The following GRIA3 variants were observed in gnomAD, a reference collection of about 807,000 sequenced individuals.
GRIA3 encodes glutamate ionotropic receptor AMPA type subunit 3.
A neutral mutation model predicts 63.0 loss-of-function variants in GRIA3; 3 were observed. The observed-to-expected ratio is 0.05, with a 90% CI of 0.02 to 0.12. The LOEUF is 0.12. Among genes scored for constraint, GRIA3 ranks in the 10% least tolerant of loss-of-function variants. The pLI is 1.00. For missense variants in GRIA3, 347 were observed against 700.9 expected (o/e 0.50, Z 5.70); for synonymous variants, 274 against 257.9 (o/e 1.06, Z -0.60).
chrX:123,458,579 C>T (rs1045554099), intron 12 of GRIA3, among the ~76,000 whole-genome samples: 11 of 111,310 alleles, frequency 9.9e-5, no homozygotes, highest in Non-Finnish European at 1.7e-4. Flanking sequence ...GTTTTTAAGG[C>T]GCCTTCTAGC....
chrX:123,206,974 T>C (rs2147257955), intron 2 of GRIA3, among the ~76,000 whole-genome samples: 1 of 111,434 alleles, frequency 9.0e-6, no homozygotes, highest in East Asian at 2.8e-4. Context: ...CAAGGGCCCT[T>C]CACTTTCTAT....
At chrX:123,186,087 T>C in intron 2 of GRIA3, 97 bp downstream of exon 2, 1 of 696,698 alleles carries the variant, frequency 1.4e-6, no homozygotes, top group South Asian at 2.2e-5. Flanking sequence ...GGGAGATGAT[T>C]GCTTCAGTAG....
At chrX:123,345,356 AT>A (rs1208188287) in intron 4 of GRIA3, among the ~76,000 whole-genome samples, 1 of 106,081 alleles carries the variant, frequency 9.4e-6, no homozygotes, top group Non-Finnish European at 1.9e-5. Context: ...TCTCCCCTGT[AT>A]TGGAAACACT....
At chrX:123,381,439 TG>T (rs1043444783) in intron 5 of GRIA3, among the ~76,000 whole-genome samples, 1 of 111,870 alleles carries the variant, frequency 8.9e-6, no homozygotes, top group African/African-American at 3.3e-5. Context: ...TACATTGGTT[TG>T]GGGGGACCAT....
intron 2 of GRIA3, among the ~76,000 whole-genome samples, chrX:123,211,496 G>T (rs1278123160): frequency 8.9e-6 from 1 of 111,993 alleles, no homozygotes; most frequent in East Asian, 2.8e-4. Flanking sequence ...CAAGAGTGGG[G>T]ATTAGGGTCC....
intron 14 of GRIA3, among the ~76,000 whole-genome samples, chrX:123,481,747 C>T (rs975773910): frequency 3.6e-5 from 4 of 111,519 alleles, no homozygotes; most frequent in African/African-American, 1.3e-4. Context: ...GTGTGTCCTA[C>T]CTCAAGGTAG....
chrX:123,219,223 AG>A (rs1928234612), intron 2 of GRIA3, among the ~76,000 whole-genome samples: 1 of 112,621 alleles, frequency 8.9e-6, no homozygotes, highest in Non-Finnish European at 1.9e-5. Flanking sequence ...TCCATCCCTA[AG>A]AAGGCTGTGT....
chrX:123,316,875 A>G (rs1000734476), intron 3 of GRIA3, among the ~76,000 whole-genome samples: 1 of 112,035 alleles, frequency 8.9e-6, no homozygotes, highest in African/African-American at 3.2e-5. Flanking sequence ...TGTCTTTTCT[A>G]TGATTAGATA....
chrX:123,463,849 A>T (rs1055766685), intron 12 of GRIA3, among the ~76,000 whole-genome samples: 2 of 110,420 alleles, frequency 1.8e-5, no homozygotes, highest in Middle Eastern at 4.6e-3. Context: ...GAAAGAGAGA[A>T]ACCAAACAGA....
intron 12 of GRIA3, among the ~76,000 whole-genome samples, chrX:123,463,610 GGGAAAGAAAGAAAGAAAGAAA>G (rs2045809346): frequency 1.4e-4 from 2 of 13,984 alleles, no homozygotes; most frequent in Non-Finnish European, 2.4e-4. Context: ...GAGGGAGGGA[GGGAAAGAAAGAAAGAAAGAAA>G]GAAAGAAAGA....
intron 2 of GRIA3, among the ~76,000 whole-genome samples, chrX:123,195,730 A>ACT (rs946102485): frequency 8.9e-6 from 1 of 111,978 alleles, no homozygotes; most frequent in African/African-American, 3.2e-5. Flanking sequence ...TTTAGCAGCT[A>ACT]GGTTACTGGT....
intron 14 of GRIA3, 124 bp downstream of exon 14, chrX:123,480,301 A>G: frequency 3.9e-6 from 2 of 509,324 alleles, no homozygotes; most frequent in Non-Finnish European, 7.2e-6. Flanking sequence ...CCCCTTTATA[A>G]CAACAGTGCT....
At chrX:123,410,565 T>C (rs2045499411) in intron 10 of GRIA3, among the ~76,000 whole-genome samples, 1 of 111,904 alleles carries the variant, frequency 8.9e-6, no homozygotes, top group African/African-American at 3.3e-5. Context: ...GTCGTCACTA[T>C]CCTAAGCTGG....
chrX:123,302,094 G>GTTTCTGT (rs1445686537), intron 3 of GRIA3, among the ~76,000 whole-genome samples: 1 of 111,951 alleles, frequency 8.9e-6, no homozygotes, highest in Admixed American at 9.5e-5. Context: ...AAGAAATGGT[G>GTTTCTGT]TTTCTGTGCA....
chrX:123,338,415 C>A (rs1003125384), intron 4 of GRIA3, among the ~76,000 whole-genome samples: 1 of 112,194 alleles, frequency 8.9e-6, no homozygotes, highest in Admixed American at 9.4e-5. Flanking sequence ...TCTTAAACCC[C>A]ACAAAGACAA....
At chrX:123,236,757 A>C (rs754499995) in intron 2 of GRIA3, among the ~76,000 whole-genome samples, 1 of 112,013 alleles carries the variant, frequency 8.9e-6, no homozygotes, top group East Asian at 2.8e-4. Flanking sequence ...GATTATCAGC[A>C]GTGACTTACG....
At chrX:123,380,710 A>G (rs754880429) in intron 5 of GRIA3, among the ~76,000 whole-genome samples, 1 of 112,013 alleles carries the variant, frequency 8.9e-6, no homozygotes, top group African/African-American at 3.2e-5. Flanking sequence ...TTAGACATGA[A>G]GTCCTTGCCC....
At chrX:123,238,118 C>T (rs1174246292) in intron 2 of GRIA3, among the ~76,000 whole-genome samples, 1 of 111,831 alleles carries the variant, frequency 8.9e-6, no homozygotes, top group Non-Finnish European at 1.9e-5. Flanking sequence ...TACAACTGAA[C>T]GGTTTTACAG....
Position 123,427,927 on chromosome X carries a change from G to A in GRIA3, c.1878-14G>A, listed in dbSNP as rs765921820. The A allele has an allele frequency of 4.3e-6, 5 of 1,167,914 alleles. No homozygotes were observed. The African/African-American group carries it at 7.1e-5, about 17-fold the overall frequency. ...CCCCTCTGGGTCTGGATTTGTTTTT[G>A]TTTTGTTTTATAGATCACTCTCCGG... On this transcript the variant is annotated splice_polypyrimidine_tract_variant and intron_variant, in intron 11 of 15. Transcript: ENST00000620443.
Sources: allele counts gnomAD v4.1 joint callset (sites outside exome capture counted in the v4.1 genomes callset), GRCh38; gene constraint gnomAD v4.1.1; transcripts MANE v1.5; gene names NCBI Gene and HGNC (gene_info 2026-07-23, HGNC 2026-07-21).